The following ARHGAP28 variants were observed in gnomAD, a reference collection of about 807,000 sequenced individuals.
The protein encoded by ARHGAP28 is Rho GTPase activating protein 28.
A neutral mutation model predicts 90.7 loss-of-function variants in ARHGAP28; 56 were observed. The ratio of observed to expected loss-of-function variants is 0.62; its 90% CI spans 0.50 to 0.77. The LOEUF (loss-of-function observed/expected upper bound fraction) is 0.77. Among genes scored for constraint, ARHGAP28 ranks in the 30% least tolerant of loss-of-function variants. ARHGAP28 has a pLI of 0.00. For missense variants in ARHGAP28, 869 were observed against 900.9 expected (o/e 0.96, Z 0.45); for synonymous variants, 308 against 323.3 (o/e 0.95, Z 0.51).
At chr18:6,909,130 C>A in intron 17 of ARHGAP28, 106 bp downstream of exon 17, 2 of 694,394 alleles carry the variant, frequency 2.9e-6, no homozygotes, top group South Asian at 2.0e-5. Context: ...CAGATAAAAA[C>A]TAAAAATCAG....
chr18:6,745,656 C>T (rs1301861470), intron 1 of ARHGAP28, among the ~76,000 whole-genome samples: 1 of 152,164 alleles, frequency 6.6e-6, no homozygotes, highest in Non-Finnish European at 1.5e-5. Context: ...CCAGGCAACC[C>T]GTTTCTGACT....
chr18:6,777,826 G>T (rs1280385179), intron 1 of ARHGAP28, among the ~76,000 whole-genome samples: 1 of 152,132 alleles, frequency 6.6e-6, no homozygotes, highest in African/African-American at 2.4e-5. Flanking sequence ...AGGTTGTGGG[G>T]AGAGGCTGGG....
intron 3 of ARHGAP28, among the ~76,000 whole-genome samples, chr18:6,837,657 A>T (rs893306878): frequency 1.3e-5 from 2 of 152,160 alleles, no homozygotes; most frequent in African/African-American, 4.8e-5. Flanking sequence ...TTGAAATCAG[A>T]GAGTGACTTC....
At chr18:6,911,973 C>A in intron 17 of ARHGAP28, 87 bp from the exon 18 acceptor site, 1 of 769,586 alleles carries the variant, frequency 1.3e-6, no homozygotes, top group Non-Finnish European at 2.0e-6. Flanking sequence ...CTTATTTGAA[C>A]CTCACAAACA....
intron 1 of ARHGAP28, among the ~76,000 whole-genome samples, chr18:6,782,744 C>G (rs1450756755): frequency 6.7e-6 from 1 of 150,198 alleles, no homozygotes; most frequent in East Asian, 1.9e-4. Context: ...GCCACCACAC[C>G]CAGCCAAGAG....
intron 1 of ARHGAP28, among the ~76,000 whole-genome samples, chr18:6,805,479 CTTTTT>C (rs756550297): frequency 9.2e-5 from 9 of 97,572 alleles, no homozygotes; most frequent in East Asian, 8.4e-4. Context: ...TAACCTTTGC[CTTTTT>C]TTTTTTTTTT....
At chr18:6,764,503 C>G (rs1446554934) in intron 1 of ARHGAP28, among the ~76,000 whole-genome samples, 1 of 152,116 alleles carries the variant, frequency 6.6e-6, no homozygotes, top group Admixed American at 6.5e-5. Context: ...GAAGATGGCT[C>G]CTCCCTAGAA....
chr18:6,874,609 C>T (rs2057116720), intron 9 of ARHGAP28: 1 of 152,072 alleles, frequency 6.6e-6, no homozygotes. Context: ...TCTAAGGAAA[C>T]ATATACTTAC....
intron 2 of ARHGAP28, among the ~76,000 whole-genome samples, chr18:6,830,956 A>G (rs998481269): frequency 1.4e-4 from 22 of 151,834 alleles, no homozygotes; most frequent in African/African-American, 5.3e-4. Flanking sequence ...TTTCTCTTGG[A>G]TGTATGTATT....
At position 6,758,123 on chromosome 18, in the gene ARHGAP28, C is replaced by T. The variant is rs76799814; in HGVS notation, c.122+28180C>T. On this transcript the variant is annotated intron_variant, in intron 1 of 17. Coordinates refer to ENST00000383472, the MANE Select transcript of ARHGAP28 (RefSeq NM_001366230.1). ...ACTGATGCCTGAGGAATTCTTTTGACCTGTGTCACTGCATGGAGTTGTAGG... is the reference window on the plus strand; with the variant it reads ...ACTGATGCCTGAGGAATTCTTTTGATCTGTGTCACTGCATGGAGTTGTAGG... Among the ~76,000 whole-genome samples, 80 of 152,272 alleles carry T rather than the reference C, an allele frequency of 5.3e-4. 1 individual carries two copies. The East Asian group carries it at 0.015, about 29-fold the overall frequency.
chr18:6,793,376 G>A (rs560973520), intron 1 of ARHGAP28, among the ~76,000 whole-genome samples: 1 of 152,148 alleles, frequency 6.6e-6, no homozygotes. Context: ...CATGGACGCT[G>A]TTCTTATGTG....
intron 5 of ARHGAP28, among the ~76,000 whole-genome samples, chr18:6,861,323 C>T (rs905538919): frequency 4.6e-5 from 7 of 152,222 alleles, no homozygotes; most frequent in African/African-American, 1.7e-4. Context: ...TCCTGTCTTA[C>T]AGTCTCTCAG....
intron 3 of ARHGAP28, among the ~76,000 whole-genome samples, chr18:6,850,550 A>G (rs2056901905): frequency 6.6e-6 from 1 of 152,226 alleles, no homozygotes; most frequent in Admixed American, 6.5e-5. Context: ...CCAATTGTTA[A>G]TACCTACAGG....
chr18:6,762,899 A>G (rs953329684), intron 1 of ARHGAP28, among the ~76,000 whole-genome samples: 2 of 152,102 alleles, frequency 1.3e-5, no homozygotes, highest in Non-Finnish European at 2.9e-5. Context: ...GCAGAGTAAT[A>G]TACGCACAAT....
chr18:6,821,154 G>T (rs1169754832), intron 1 of ARHGAP28, among the ~76,000 whole-genome samples: 1 of 152,152 alleles, frequency 6.6e-6, no homozygotes, highest in Non-Finnish European at 1.5e-5. Context: ...CTGTTGTGAA[G>T]TTATAAAATA....
intron 1 of ARHGAP28, among the ~76,000 whole-genome samples, chr18:6,777,739 T>A (rs1047354731): frequency 6.6e-6 from 1 of 150,446 alleles, no homozygotes; most frequent in Non-Finnish European, 1.5e-5. Flanking sequence ...AATGAATGAA[T>A]GAATGAATGA....
At chr18:6,746,189 T>G (rs1001249519) in intron 1 of ARHGAP28, among the ~76,000 whole-genome samples, 2 of 152,140 alleles carry the variant, frequency 1.3e-5, no homozygotes, top group African/African-American at 4.8e-5. Flanking sequence ...TCTTTAAACC[T>G]CTAATAGTGA....
intron 3 of ARHGAP28, among the ~76,000 whole-genome samples, chr18:6,840,641 A>G (rs893423252): frequency 6.6e-6 from 1 of 152,192 alleles, no homozygotes; most frequent in African/African-American, 2.4e-5. Context: ...GGAATGGCCC[A>G]GGGTTCTTCC....
chr18:6,857,346 A>G (rs888262628), intron 4 of ARHGAP28, among the ~76,000 whole-genome samples: 1 of 152,064 alleles, frequency 6.6e-6, no homozygotes, highest in Non-Finnish European at 1.5e-5. Flanking sequence ...AAAATAACAG[A>G]CTCCTGTATA....
Sources: allele counts gnomAD v4.1 joint callset (sites outside exome capture counted in the v4.1 genomes callset), GRCh38; gene constraint gnomAD v4.1.1; transcripts MANE v1.5; gene names NCBI Gene and HGNC (gene_info 2026-07-23, HGNC 2026-07-21).